KLHL7: variants seen among roughly 807,000 people sequenced by gnomAD.
KLHL7 encodes kelch like family member 7.
In KLHL7, 44 loss-of-function variants were observed where a neutral mutation model predicts 67.4. That is an observed-to-expected ratio of 0.65 (90% CI 0.51 to 0.84). The LOEUF is 0.84. Ranked by LOEUF, KLHL7 falls within the 40% of genes least tolerant of loss-of-function variation. The pLI is 0.00. For missense variants in KLHL7, 362 were observed against 718.1 expected (o/e 0.50, Z 5.67); for synonymous variants, 252 against 243.3 (o/e 1.04, Z -0.33).
chr7:23,114,951 A>G (rs1481417298), intron 1 of KLHL7, among the ~76,000 whole-genome samples: 1 of 152,202 alleles, frequency 6.6e-6, no homozygotes, highest in South Asian at 2.1e-4. Flanking sequence ...AAATTCCAAC[A>G]TCTATGCTCA....
Position 23,125,134 on chromosome 7 carries a change from A to C in KLHL7, c.404A>C (p.Asp135Ala). Residue 135 changes from aspartate (D) to alanine (A), a missense_variant, in exon 4 of 11, where the codon GAT becomes GCT. Transcript: ENST00000339077. ...QIEPVKKMCV[D>A]FLKEQVDASN... The stretch of plus-strand genomic sequence containing the variant: ...GAACCTGTGAAGAAAATGTGTGTTG[A>C]TTTTTTGAAAGAACAAGTTGATGCT... 1 of 1,613,592 alleles carries C rather than the reference A, an allele frequency of 6.2e-7. No individual in the cohort carries two copies. Among genetic ancestry groups the C allele is most frequent in the Non-Finnish European group, 8.5e-7 (1 of 1,179,606 alleles).
At chr7:23,128,507 A>G (rs1007756310) in intron 4 of KLHL7, among the ~76,000 whole-genome samples, 2 of 151,970 alleles carry the variant, frequency 1.3e-5, no homozygotes, top group Non-Finnish European at 2.9e-5. Context: ...CAATGAACTA[A>G]GATATTCCTC....
chr7:23,154,218 G>C (rs900875178), intron 7 of KLHL7, among the ~76,000 whole-genome samples: 1 of 152,152 alleles, frequency 6.6e-6, no homozygotes, highest in African/African-American at 2.4e-5. Context: ...GGCTGGGCAT[G>C]GCAGTGCATG....
chr7:23,143,260 G>A (rs959777364), intron 5 of KLHL7, among the ~76,000 whole-genome samples: 41 of 152,130 alleles, frequency 2.7e-4, no homozygotes, highest in African/African-American at 9.7e-4. Context: ...TGAGGAACTT[G>A]GACTTGTTCA....
At position 23,151,531 on chromosome 7, in the gene KLHL7, G is replaced by GGGCCTGGGATT. The variant is rs1188990680; in HGVS notation, c.794-534_794-533insCCTGGGATTGG. 1.4e-4 allele frequency among the ~76,000 whole-genome samples: 7 copies of GGGCCTGGGATT among 50,288 alleles called. No individual in the cohort carries two copies. In the South Asian group the frequency reaches 2.3e-3, roughly 16 times the overall value. 33.0% of individuals were successfully genotyped at this position (50,288 alleles called of 152,430 possible). ...ATGCTGATTCAGTAGGTCTGGGATAGGGGCCTGGGATTCAGCATTTCTAAC... is the reference window on the plus strand; with the variant it reads ...ATGCTGATTCAGTAGGTCTGGGATAGGGCCTGGGATTGGGCCTGGGATTCAGCATTTCTAAC... On this transcript the variant is annotated intron_variant, in intron 6 of 10. Coordinates refer to ENST00000339077, the MANE Select transcript of KLHL7 (RefSeq NM_001031710.3).
In KLHL7 at chr7:23,111,194, T is replaced by C. The variant is rs572343893; in HGVS notation, c.120+5048T>C. Among the ~76,000 whole-genome samples, 318 of 152,198 alleles carry C rather than the reference T, an allele frequency of 2.1e-3. 5 individuals are homozygous for C. The highest frequency in any genetic ancestry group is 2.4e-4 in the Non-Finnish European group (16 of 67,998). ...GAAGTTTTCTCTAAGGAAATGGTCATTGAGAGCTGAAATAAGAGTAGGTGT... is the reference window on the plus strand; with the variant it reads ...GAAGTTTTCTCTAAGGAAATGGTCACTGAGAGCTGAAATAAGAGTAGGTGT... On this transcript the variant is annotated intron_variant, in intron 1 of 10. Transcript: ENST00000339077.
chr7:23,162,109 G>A (rs1168992239), intron 7 of KLHL7, among the ~76,000 whole-genome samples: 1 of 152,194 alleles, frequency 6.6e-6, no homozygotes, highest in Non-Finnish European at 1.5e-5. Context: ...GAGGAACCCA[G>A]ATCACTCTAC....
chr7:23,123,945 A>C, intron 2 of KLHL7, 66 bp downstream of exon 2: 1 of 1,112,940 alleles, frequency 9.0e-7, no homozygotes, highest in Non-Finnish European at 1.4e-6. Flanking sequence ...TCTAAAAGAG[A>C]ATATGTCATT....
chr7:23,174,303 T>G lies in KLHL7; in HGVS notation c.*5T>G. The stretch of plus-strand genomic sequence containing the variant: ...GAAGAGACCCTTGAAACATGAAAAA[T>G]GAGTGGACTTCAGACTCATCAGAGA... On this transcript the variant is annotated 3_prime_UTR_variant, in exon 11 of 11. Coordinates refer to ENST00000339077, the MANE Select transcript of KLHL7 (RefSeq NM_001031710.3). 3 of 1,613,980 alleles carry G rather than the reference T, an allele frequency of 1.9e-6. No homozygotes were observed. The highest frequency in any genetic ancestry group is 2.5e-6 in the Non-Finnish European group (3 of 1,179,906).
intron 9 of KLHL7, 109 bp downstream of exon 9, chr7:23,168,146 A>C: frequency 9.8e-7 from 1 of 1,017,906 alleles, no homozygotes; most frequent in Non-Finnish European, 1.5e-6. Context: ...CCTTGAGTGA[A>C]GAGTGTATAT....
At chr7:23,151,110 C>T (rs1239745292) in intron 6 of KLHL7, among the ~76,000 whole-genome samples, 2 of 147,902 alleles carry the variant, frequency 1.4e-5, no homozygotes, top group African/African-American at 2.5e-5. Context: ...TTTTCTGGCT[C>T]CTATGTTTTT....
At chr7:23,134,135 GT>G (rs1327424607) in intron 4 of KLHL7, among the ~76,000 whole-genome samples, 1 of 151,754 alleles carries the variant, frequency 6.6e-6, no homozygotes, top group African/African-American at 2.4e-5. Context: ...TCTATCCCCA[GT>G]TTTTTTTAGT....
rs770091967 is a variant in KLHL7 at position 23,165,669 on chromosome 7, T to C, written c.937-29T>C. ...TTTTCAGTTATATTTTTTTCCTTAC[T>C]GAAAGCTTCCCATCCTTTTCTGCTA... is the stretch of plus-strand genomic sequence containing the variant. On this transcript the variant is annotated intron_variant, in intron 7 of 10. Coordinates refer to ENST00000339077, the MANE Select transcript of KLHL7 (RefSeq NM_001031710.3). The C allele has an allele frequency of 4.6e-5, 74 of 1,613,758 alleles. No individual in the cohort carries two copies. The South Asian group carries it at 4.6e-4, about 10-fold the overall frequency.
In KLHL7 at chr7:23,117,113, A is replaced by G. The variant is rs535340506; in HGVS notation, c.121-6664A>G. Among the ~76,000 whole-genome samples, 3 of 67,770 alleles carry G rather than the reference A, an allele frequency of 4.4e-5. No individual in the cohort carries two copies. The East Asian group carries it at 8.8e-4, about 20-fold the overall frequency. The allele number at this position is 67,770 out of a possible 152,430, so 44.5% of individuals were successfully genotyped here. On this transcript the variant is annotated intron_variant, in intron 1 of 10. Transcript: ENST00000339077. Reference sequence around the variant, plus strand: ...TTTTTTTTTTTTTTTTTTGAGATCAAGTCTCGCTCTGTCACCCAGGCTGGA... The same window carrying G: ...TTTTTTTTTTTTTTTTTTGAGATCAGGTCTCGCTCTGTCACCCAGGCTGGA...
At position 23,140,851 on chromosome 7, in the gene KLHL7, A is replaced by G. The variant is rs370550815; in HGVS notation, c.525A>G (p.Glu175=). 6.2e-7 allele frequency: 1 copy of G among 1,614,032 alleles called. No individual in the cohort carries two copies. Among genetic ancestry groups the G allele is most frequent in the Non-Finnish European group, 8.5e-7 (1 of 1,179,930 alleles). The part of the protein sequence containing the change: ...ADDFIHQHFT[E]VYKTDEFLQL... ...ACTTTATTCATCAGCACTTTACTGA[A>G]GTTTACAAAACTGATGAATTTCTTC... Residue 175 remains glutamate, a synonymous_variant, in exon 5 of 11, where the codon GAA becomes GAG. Transcript: ENST00000339077.
intron 9 of KLHL7, among the ~76,000 whole-genome samples, chr7:23,172,611 G>A (rs964180912): frequency 3.9e-5 from 6 of 152,134 alleles, no homozygotes; most frequent in Admixed American, 3.3e-4. Context: ...ATTTATCTTC[G>A]AAGCATCTTC....
At chr7:23,162,226 G>C (rs939083272) in intron 7 of KLHL7, among the ~76,000 whole-genome samples, 1 of 151,916 alleles carries the variant, frequency 6.6e-6, no homozygotes, top group Non-Finnish European at 1.5e-5. Flanking sequence ...TAAGATCTTG[G>C]GTTCACCATT....
intron 1 of KLHL7, among the ~76,000 whole-genome samples, chr7:23,109,839 A>G (rs1291336680): frequency 1.3e-5 from 2 of 152,228 alleles, no homozygotes; most frequent in East Asian, 1.9e-4. Context: ...TGACAATTCC[A>G]GTCATCCAGA....
chr7:23,174,302 A>T lies in KLHL7; in HGVS notation c.*4A>T. 6.2e-7 allele frequency: 1 copy of T among 1,614,082 alleles called. No individual in the cohort carries two copies. The highest frequency in any genetic ancestry group is 8.5e-7 in the Non-Finnish European group (1 of 1,179,936). ...TGAAGAGACCCTTGAAACATGAAAAATGAGTGGACTTCAGACTCATCAGAG... is the reference window on the plus strand; with the variant it reads ...TGAAGAGACCCTTGAAACATGAAAATTGAGTGGACTTCAGACTCATCAGAG... On this transcript the variant is annotated 3_prime_UTR_variant, in exon 11 of 11. Coordinates refer to ENST00000339077, the MANE Select transcript of KLHL7 (RefSeq NM_001031710.3).
Sources: allele counts gnomAD v4.1 joint callset (sites outside exome capture counted in the v4.1 genomes callset), GRCh38; gene constraint gnomAD v4.1.1; transcripts MANE v1.5; gene names NCBI Gene and HGNC (gene_info 2026-07-23, HGNC 2026-07-21).